Variants in CSMD1 observed in about 807,000 individuals in gnomAD.
The protein encoded by CSMD1 is CUB and Sushi multiple domains 1, also known as CUB and sushi domain-containing protein 1.
CSMD1 carries 213 observed loss-of-function variants against 417.5 expected under a neutral mutation model. The ratio of observed to expected loss-of-function variants is 0.51; its 90% confidence interval spans 0.46 to 0.57. The LOEUF (loss-of-function observed/expected upper bound fraction) is 0.57. Ranked by LOEUF, CSMD1 falls within the 20% of genes least tolerant of loss-of-function variation. The pLI, the probability that CSMD1 is intolerant of heterozygous loss-of-function variation, is 0.00. For missense variants in CSMD1, 6,923 were observed against 4,529.7 expected (o/e 1.53, Z -15.17); for synonymous variants, 2,862 against 1,736.8 (o/e 1.65, Z -16.11).
At chr8:3,935,039 C>T (rs1239496468) in intron 5 of CSMD1, among the ~76,000 whole-genome samples, 2 of 152,100 alleles carry the variant, frequency 1.3e-5, no homozygotes, top group African/African-American at 2.4e-5. Flanking sequence ...AAGCTAGTCT[C>T]GTTTCTTTTG....
chr8:3,887,869 C>T (rs1247980237), intron 5 of CSMD1, among the ~76,000 whole-genome samples: 1 of 152,158 alleles, frequency 6.6e-6, no homozygotes, highest in African/African-American at 2.4e-5. Flanking sequence ...CTTATTCATG[C>T]TTTTATGTAG....
At chr8:3,806,151 G>T (rs1315592110) in intron 5 of CSMD1, among the ~76,000 whole-genome samples, 2 of 152,158 alleles carry the variant, frequency 1.3e-5, no homozygotes, top group East Asian at 3.9e-4. Flanking sequence ...AGTTCTGCCT[G>T]ACACAACCCA....
intron 1 of CSMD1, among the ~76,000 whole-genome samples, chr8:4,792,983 A>AATATATAT (rs34947549): frequency 3.4e-5 from 5 of 148,642 alleles, no homozygotes; most frequent in African/African-American, 1.0e-4. Flanking sequence ...ATGTGTATGC[A>AATATATAT]ATATATATAT....
intron 12 of CSMD1, among the ~76,000 whole-genome samples, chr8:3,464,400 T>C (rs766708574): frequency 2.6e-4 from 40 of 152,120 alleles, no homozygotes; most frequent in Non-Finnish European, 4.1e-4. Flanking sequence ...AACTTTCAAT[T>C]GAGCATAGGG....
At chr8:3,314,525 T>A (rs77242463) in intron 23 of CSMD1, among the ~76,000 whole-genome samples, 2,627 of 152,292 alleles carry the variant, frequency 0.017, 74 homozygotes, top group African/African-American at 0.059. Context: ...ACATTATTTG[T>A]GTCAAAGCAC....
intron 1 of CSMD1, among the ~76,000 whole-genome samples, chr8:4,832,611 G>A (rs558183222): frequency 7.2e-5 from 11 of 152,118 alleles, no homozygotes; most frequent in Admixed American, 2.0e-4. Flanking sequence ...TGACACTTAG[G>A]GATTATAGTA....
intron 7 of CSMD1, among the ~76,000 whole-genome samples, chr8:3,684,522 T>C (rs1471568885): frequency 1.3e-5 from 2 of 151,480 alleles, no homozygotes; most frequent in African/African-American, 4.8e-5. Flanking sequence ...TCTTTTTTAC[T>C]GGCCATCTAG....
chr8:4,974,605 T>C (rs1278591248), intron 1 of CSMD1, among the ~76,000 whole-genome samples: 1 of 152,156 alleles, frequency 6.6e-6, no homozygotes, highest in East Asian at 1.9e-4. Context: ...CATCAACATA[T>C]ATATTTTTAA....
intron 5 of CSMD1, among the ~76,000 whole-genome samples, chr8:3,938,297 G>T (rs1334138909): frequency 6.6e-6 from 1 of 152,098 alleles, no homozygotes; most frequent in South Asian, 2.1e-4. Context: ...CTGCATGCTG[G>T]AGTTCCTTAA....
At chr8:4,221,310 G>T (rs751017448) in intron 3 of CSMD1, among the ~76,000 whole-genome samples, 24 of 151,360 alleles carry the variant, frequency 1.6e-4, no homozygotes, top group Non-Finnish European at 3.5e-4. Context: ...TACACTCATG[G>T]ACTTACCACT....
intron 3 of CSMD1, among the ~76,000 whole-genome samples, chr8:4,339,839 C>A (rs879090611): frequency 6.6e-6 from 1 of 151,980 alleles, no homozygotes; most frequent in African/African-American, 2.4e-5. Flanking sequence ...GCCTGGGCAA[C>A]AAAGTAAGAC....
intron 2 of CSMD1, among the ~76,000 whole-genome samples, chr8:4,611,001 C>A (rs937133929): frequency 1.4e-4 from 22 of 152,012 alleles, no homozygotes; most frequent in African/African-American, 5.3e-4. Context: ...AAATAGCAGC[C>A]CTTTTTCCCT....
At chr8:3,980,577 A>G (rs967647449) in intron 5 of CSMD1, among the ~76,000 whole-genome samples, 166 of 152,302 alleles carry the variant, frequency 1.1e-3, no homozygotes, top group African/African-American at 3.9e-3. Context: ...TAGTGAAAAT[A>G]GTTTCCCCCC....
chr8:4,646,707 G>T (rs1269339863), intron 1 of CSMD1, among the ~76,000 whole-genome samples: 1 of 152,174 alleles, frequency 6.6e-6, no homozygotes, highest in Non-Finnish European at 1.5e-5. Flanking sequence ...ATGCTTAGTA[G>T]AGTTCACCTC....
chr8:4,352,432 A>C (rs1263349408), intron 3 of CSMD1, among the ~76,000 whole-genome samples: 1 of 152,244 alleles, frequency 6.6e-6, no homozygotes, highest in Non-Finnish European at 1.5e-5. Flanking sequence ...TTTCCTTTTC[A>C]ACTCAAAAAA....
intron 1 of CSMD1, among the ~76,000 whole-genome samples, chr8:4,653,799 G>A (rs1160009540): frequency 6.6e-6 from 1 of 152,050 alleles, no homozygotes; most frequent in African/African-American, 2.4e-5. Context: ...TTTGAAGGGA[G>A]GCATTTGCAA....
chr8:4,757,545 GAC>G (rs1296602566), intron 1 of CSMD1, among the ~76,000 whole-genome samples: 1 of 152,190 alleles, frequency 6.6e-6, no homozygotes, highest in Non-Finnish European at 1.5e-5. Flanking sequence ...CCATGTAGGT[GAC>G]ACAGACTATT....
chr8:3,832,708 A>T lies in CSMD1; in HGVS notation c.819-78666T>A, dbSNP rs57441709. 2.3e-3 allele frequency among the ~76,000 whole-genome samples: 354 copies of T among 152,306 alleles called. 1 individual carries two copies. The highest frequency in any genetic ancestry group is 8.2e-3 in the African/African-American group (340 of 41,582). ...AGATTCATGACTGTATTTCAGAACGAAACAAAAATAGGACTTACACCATGA... is the reference window on the plus strand; with the variant it reads ...AGATTCATGACTGTATTTCAGAACGTAACAAAAATAGGACTTACACCATGA... On this transcript the variant is annotated intron_variant, in intron 5 of 69. Transcript: ENST00000635120.
intron 2 of CSMD1, among the ~76,000 whole-genome samples, chr8:4,485,594 A>C (rs909842908): frequency 2.0e-5 from 3 of 152,146 alleles, no homozygotes; most frequent in Non-Finnish European, 1.5e-5. Context: ...ATGGATGTTC[A>C]AGCTAGAAAA....
Sources: gnomAD v4.1 joint callset for allele counts (sites outside exome capture counted in the v4.1 genomes callset) on GRCh38, gnomAD v4.1.1 for gene constraint, MANE v1.5 for transcripts, NCBI Gene and HGNC (gene_info 2026-07-23, HGNC 2026-07-21) for gene names.